Variants in HDX observed in about 807,000 individuals in gnomAD.
HDX encodes highly divergent homeobox, also known as chromosome X open reading frame 43.
Under a neutral mutation model 45.2 loss-of-function variants are expected in HDX, and 19 were observed. The ratio of observed to expected loss-of-function variants is 0.42; its 90% CI spans 0.29 to 0.62. HDX has a LOEUF of 0.62. HDX is among the 20% of genes least tolerant of loss of function. The pLI is 0.20. For missense variants in HDX, 532 were observed against 493.9 expected, an observed-to-expected ratio of 1.08 and a Z score of -0.73; for synonymous variants, 188 against 172.8, an observed-to-expected ratio of 1.09 and a Z score of -0.69.
rs182500234 is a variant in HDX at position 84,346,640 on chromosome X, C to T, written c.1453-2183G>A. 2.6e-3 allele frequency among the ~76,000 whole-genome samples: 286 copies of T among 110,902 alleles called. 2 individuals carry two copies. The highest frequency in any genetic ancestry group is 9.0e-3 in the African/African-American group (277 of 30,621). On this transcript the variant is annotated intron_variant, in intron 6 of 10. Coordinates refer to ENST00000373177, the MANE Select transcript of HDX (RefSeq NM_001177479.2). ...CAAAAAGAATTTAATAGGGGAAGTG[C>T]AGTTTTTTCAAGAAACAATGCTGGA... is the stretch of plus-strand genomic sequence containing the variant.
intron 5 of HDX, among the ~76,000 whole-genome samples, chrX:84,366,819 C>T (rs2037766854): frequency 8.9e-6 from 1 of 111,811 alleles, no homozygotes; most frequent in South Asian, 3.7e-4. Flanking sequence ...AAACTGGATC[C>T]CTTCCTTACA....
At chrX:84,482,106 C>T (rs2148173820) in intron 2 of HDX, among the ~76,000 whole-genome samples, 1 of 111,835 alleles carries the variant, frequency 8.9e-6, no homozygotes, top group Non-Finnish European at 1.9e-5. Flanking sequence ...TTTTCTTTGT[C>T]TAATCCACTA....
intron 1 of HDX, among the ~76,000 whole-genome samples, 191 bp downstream of exon 1, chrX:84,502,151 G>A (rs925225434): frequency 1.8e-5 from 2 of 110,849 alleles, no homozygotes; most frequent in Non-Finnish European, 3.8e-5. Flanking sequence ...TCACTCAGCC[G>A]CCAGCCTTCG....
rs374851889 is a variant in HDX, at chrX:84,493,889, G to A, written c.-109-5757C>T. 5.4e-5 allele frequency among the ~76,000 whole-genome samples: 6 copies of A among 111,193 alleles called. No homozygotes were observed. In the East Asian group the frequency reaches 1.1e-3, roughly 21 times the overall value. On this transcript the variant is annotated intron_variant, in intron 1 of 10. Transcript: ENST00000373177. Reference sequence around the variant, plus strand: ...ATTGTTTGTAACACAAAGGATAAACGCTTAAGGGAATGGATAGCCCATTTT... The same window carrying A: ...ATTGTTTGTAACACAAAGGATAAACACTTAAGGGAATGGATAGCCCATTTT...
At chrX:84,371,971 T>C (rs1375869908) in intron 5 of HDX, among the ~76,000 whole-genome samples, 1 of 111,475 alleles carries the variant, frequency 9.0e-6, no homozygotes, top group African/African-American at 3.3e-5. Context: ...GATGAGAAAA[T>C]TGTGGAGAGT....
At chrX:84,349,908 C>T (rs962071394) in intron 6 of HDX, among the ~76,000 whole-genome samples, 34 of 109,311 alleles carry the variant, frequency 3.1e-4, no homozygotes, top group African/African-American at 9.7e-4. Flanking sequence ...AATGAAAACT[C>T]TAAAACATGG....
intron 5 of HDX, 73 bp from the exon 6 acceptor site, chrX:84,361,685 G>T: frequency 1.2e-6 from 1 of 830,101 alleles, no homozygotes; most frequent in Non-Finnish European, 1.7e-6. Flanking sequence ...ATTATAAAGA[G>T]AAGCATCAGG....
chrX:84,459,118 A>C (rs918860765), intron 4 of HDX, among the ~76,000 whole-genome samples: 1 of 111,872 alleles, frequency 8.9e-6, no homozygotes, highest in African/African-American at 3.3e-5. Context: ...ATTAAACGAT[A>C]TGTTCCTGAA....
chrX:84,428,126 G>C (rs1012226967), intron 5 of HDX, among the ~76,000 whole-genome samples: 3 of 109,787 alleles, frequency 2.7e-5, no homozygotes, highest in African/African-American at 9.9e-5. Context: ...ATTTTTTATC[G>C]GGTTTGTTCC....
rs562560756 is a variant in HDX at position 84,319,811 on chromosome X, A to T, written c.*2078T>A. 3.6e-5 allele frequency: 4 copies of T among 111,551 alleles called. No individual in the cohort carries two copies. In the South Asian group the frequency reaches 1.5e-3, roughly 41 times the overall value. The allele number at this position is 111,551 out of a possible 1,213,427, so 9.2% of individuals were successfully genotyped here. A position where few individuals can be genotyped will look rare whatever the true frequency, so the allele number is the denominator to read the frequency against. On this transcript the variant is annotated 3_prime_UTR_variant, in exon 11 of 11. Coordinates refer to ENST00000373177, the MANE Select transcript of HDX (RefSeq NM_001177479.2). ...AGAAATAATTATTTGTGATGTTTAC[A>T]GCTTGCTGAGAAATCCAATGTCCAG... is the stretch of plus-strand genomic sequence containing the variant.
intron 4 of HDX, among the ~76,000 whole-genome samples, chrX:84,451,540 T>A (rs1462325002): frequency 9.2e-6 from 1 of 109,288 alleles, no homozygotes; most frequent in African/African-American, 3.3e-5. Flanking sequence ...AAAAAAAAAA[T>A]TCTACCAGAA....
intron 5 of HDX, among the ~76,000 whole-genome samples, chrX:84,390,352 G>C (rs2038414420): frequency 8.9e-6 from 1 of 111,815 alleles, no homozygotes; most frequent in Non-Finnish European, 1.9e-5. Flanking sequence ...ATTTTTAAGA[G>C]TGAATTTCTG....
At chrX:84,457,965 A>G (rs1026687035) in intron 4 of HDX, among the ~76,000 whole-genome samples, 2 of 112,152 alleles carry the variant, frequency 1.8e-5, no homozygotes, top group African/African-American at 6.5e-5. Flanking sequence ...ATTTGTGTGC[A>G]AATATCACCT....
chrX:84,366,301 G>T (rs1409228905), intron 5 of HDX, among the ~76,000 whole-genome samples: 1 of 111,404 alleles, frequency 9.0e-6, no homozygotes, highest in Non-Finnish European at 1.9e-5. Flanking sequence ...TCTTCAAGGA[G>T]AACTACAAAC....
intron 3 of HDX, among the ~76,000 whole-genome samples, chrX:84,475,040 G>C (rs910476984): frequency 9.0e-6 from 1 of 111,636 alleles, no homozygotes; most frequent in Admixed American, 9.6e-5. Flanking sequence ...TGTTTACGCT[G>C]CAAGGGTTTC....
chrX:84,324,196 A>G (rs1432621978), intron 10 of HDX, among the ~76,000 whole-genome samples: 1 of 111,797 alleles, frequency 8.9e-6, no homozygotes, highest in Non-Finnish European at 1.9e-5. Flanking sequence ...GACTACTTCA[A>G]TGGTCCAAAA....
chrX:84,408,548 C>G (rs1272216826), intron 5 of HDX, among the ~76,000 whole-genome samples: 16 of 71,894 alleles, frequency 2.2e-4, no homozygotes, highest in Non-Finnish European at 3.7e-4. Context: ...GGTTATTCAG[C>G]CTCTATTTTG....
At chrX:84,352,272 T>C (rs2037378100) in intron 6 of HDX, among the ~76,000 whole-genome samples, 2 of 112,157 alleles carry the variant, frequency 1.8e-5, no homozygotes, top group African/African-American at 3.2e-5. Context: ...TTCAAGTTTA[T>C]GAAATGTAGT....
intron 5 of HDX, among the ~76,000 whole-genome samples, chrX:84,378,177 A>G (rs1402153516): frequency 9.0e-6 from 1 of 111,706 alleles, no homozygotes; most frequent in Non-Finnish European, 1.9e-5. Flanking sequence ...CTCCAAACAT[A>G]AAGAAATAAA....
Sources: allele counts gnomAD v4.1 joint callset (sites outside exome capture counted in the v4.1 genomes callset), GRCh38; gene constraint gnomAD v4.1.1; transcripts MANE v1.5; gene names NCBI Gene and HGNC (gene_info 2026-07-23, HGNC 2026-07-21).